Variants in SALL1 observed in about 807,000 individuals in gnomAD.
SALL1 encodes the protein sal-like protein 1.
A neutral mutation model predicts 73.1 loss-of-function variants in SALL1; 10 were observed. The observed-to-expected ratio is 0.14, with a 90% CI of 0.08 to 0.23. The LOEUF is 0.23. Among genes scored for constraint, SALL1 ranks in the 10% least tolerant of loss-of-function variants. SALL1 has a pLI of 1.00. For missense variants in SALL1, 1,520 were observed against 1,697.3 expected, an observed-to-expected ratio of 0.90 and a Z score of 1.84; for synonymous variants, 688 against 689.8, an observed-to-expected ratio of 1.00 and a Z score of 0.04.
At chr16:51,145,976 GGTCT>G (rs1962510532) in intron 1 of SALL1, among the ~76,000 whole-genome samples, 1 of 133,974 alleles carries the variant, frequency 7.5e-6, no homozygotes, top group Non-Finnish European at 1.5e-5. Flanking sequence ...TTGATTGATT[GGTCT>G]TTTTTTTTTT....
intron 1 of SALL1, among the ~76,000 whole-genome samples, chr16:51,145,142 A>G (rs912929899): frequency 6.6e-6 from 1 of 151,556 alleles, no homozygotes; most frequent in Non-Finnish European, 1.5e-5. Context: ...TGGACTCTTT[A>G]CCAAAGGGAA....
intron 1 of SALL1, among the ~76,000 whole-genome samples, chr16:51,146,679 TG>T (rs1962523285): frequency 6.6e-6 from 1 of 152,100 alleles, no homozygotes; most frequent in African/African-American, 2.4e-5. Context: ...GGATTCAATT[TG>T]GGGGTCACTG....
chr16:51,141,055 A>T lies in SALL1; in HGVS notation c.1167T>A (p.Asn389Lys). ...CGGAGGCTTGCTGAGGTAGAAGTGGATTAGACGCAGGACTTAATAAACTGC... is the reference window on the plus strand; with the variant it reads ...CGGAGGCTTGCTGAGGTAGAAGTGGTTTAGACGCAGGACTTAATAAACTGC... ...AISSLLSPAS[N>K]PLLPQQASAN... The change falls in exon 2 of 3, where the codon AAT (asparagine) becomes AAA (lysine). Residue 389 changes from asparagine (N) to lysine (K), a missense_variant. Asn to Lys is a moderately conservative substitution (Grantham distance 94). Coordinates refer to ENST00000251020, the MANE Select transcript of SALL1 (RefSeq NM_002968.3). This position sits in a 1 kb window ranked among gnomAD's most constrained non-coding sequence, Gnocchi z 5.4. The T allele has an allele frequency of 1.9e-6, 3 of 1,614,192 alleles. No homozygotes were observed. The highest frequency in any genetic ancestry group is 2.5e-6 in the Non-Finnish European group (3 of 1,180,040).
Position 51,141,173 on chromosome 16 carries a change from G to A in SALL1, c.1049C>T (p.Thr350Ile), listed in dbSNP as rs138755531. ...NMNILAAAVT[T>I]PSSEKVASSA... is the part of the protein sequence containing the mutation. ...TGAAGCCACTTTTTCAGAGGACGGG[G>A]TGGTAACTGCCGCTGCCAATATGTT... The change falls in exon 2 of 3, where the codon ACC becomes ATC. Residue 350 changes from threonine to isoleucine, a missense_variant. Coordinates refer to ENST00000251020, the MANE Select transcript of SALL1 (RefSeq NM_002968.3). This position sits in a 1 kb window ranked among gnomAD's most constrained non-coding sequence, Gnocchi z 5.4. 7 of 1,614,090 alleles carry A rather than the reference G, an allele frequency of 4.3e-6. No homozygotes were observed. The highest frequency in any genetic ancestry group is 5.9e-6 in the Non-Finnish European group (7 of 1,180,058).
rs1962445874 is a variant in SALL1, at chr16:51,141,901, T to C, written c.321A>G (p.Gln107=). The change falls in exon 2 of 3, where the codon CAA becomes CAG. Residue 107 remains glutamine, a synonymous_variant. Transcript: ENST00000251020. This position sits in a 1 kb window ranked among gnomAD's most constrained non-coding sequence, Gnocchi z 5.4. ...GTTCTGAAAGGTCGCTGCAGTCCAC[T>C]TGATCTGTTTTGTTAACTGTGTCAT... The part of the protein sequence containing the change: ...QMNDTVNKTD[Q]VDCSDLSEHN... 6.2e-7 allele frequency: 1 copy of C among 1,613,894 alleles called. No homozygotes were observed. The highest frequency in any genetic ancestry group is 2.2e-5 in the East Asian group (1 of 44,896).
chr16:51,137,492 C>A lies in SALL1; in HGVS notation c.3595G>T (p.Val1199Leu). 4 of 1,614,016 alleles carry A rather than the reference C, an allele frequency of 2.5e-6. No homozygotes were observed. The highest frequency in any genetic ancestry group is 3.4e-6 in the Non-Finnish European group (4 of 1,180,018). The part of the protein sequence containing the change: ...TPARRGRRLS[V>L]DGPMTFLGGN... ...CCTAGAAATGTCATGGGGCCATCCA[C>A]AGAGAGCCGCCGACCCCGTCGTGCA... Residue 1199 changes from valine (V) to leucine (L), a missense_variant, in exon 3 of 3, where the codon GTG (valine) becomes TTG (leucine). Physicochemically the swap from Val to Leu is conservative, Grantham distance 32. Around this residue, in one of 7 missense-constraint regions of SALL1, gnomAD observed 318 missense variants for 357.1 expected, o/e 0.89. Coordinates refer to ENST00000251020, the MANE Select transcript of SALL1 (RefSeq NM_002968.3).
In SALL1 at chr16:51,141,233, A is replaced by T; in HGVS notation, c.989T>A (p.Ile330Asn). ...QLPQSSSGNTIIPSNSGSSPN... is the reference protein window; with the variant it reads ...QLPQSSSGNTNIPSNSGSSPN... Reference sequence around the variant, plus strand: ...AGAAGAGCCGCTGTTGGATGGAATGATGGTGTTGCCAGAACTGCTCTGAGG... The same window carrying T: ...AGAAGAGCCGCTGTTGGATGGAATGTTGGTGTTGCCAGAACTGCTCTGAGG... The change falls in exon 2 of 3, where the codon ATC becomes AAC. Residue 330 changes from isoleucine to asparagine, a missense_variant. Transcript: ENST00000251020. The surrounding 1 kb of genome is among the most constrained non-coding windows in gnomAD (Gnocchi z 5.4). 1.2e-6 allele frequency: 2 copies of T among 1,614,124 alleles called. No homozygotes were observed. Among genetic ancestry groups the T allele is most frequent in the Non-Finnish European group, 1.7e-6 (2 of 1,180,026 alleles).
In SALL1 at chr16:51,140,137, T is replaced by C; in HGVS notation, c.2085A>G (p.Val695=). The change falls in exon 2 of 3, where the codon GTA becomes GTG. Residue 695 remains valine (V), a synonymous_variant. Transcript: ENST00000251020. The surrounding 1 kb of genome is among the most constrained non-coding windows in gnomAD (Gnocchi z 5.7). The stretch of plus-strand genomic sequence containing the variant: ...CAGTGGCCTTCTTGTCAATGTTTTC[T>C]ACCAGTTGCTGAAGCTTGGACGTCT... The part of the protein sequence containing the change: ...ASETSKLQQL[V]ENIDKKATDP... The C allele has an allele frequency of 4.3e-6, 7 of 1,614,194 alleles. No individual in the cohort carries two copies. Among genetic ancestry groups the C allele is most frequent in the Non-Finnish European group, 5.9e-6 (7 of 1,180,036 alleles).
rs943856669 is a variant in SALL1, at chr16:51,139,772, T to C, written c.2450A>G (p.Asn817Ser). ...ESDTGSFDEK[N>S]FDDLDNFSDE... ...AGAGAAGTTGTCTAGGTCATCAAAA[T>C]TTTTCTCATCAAAGGAACCTGTGTC... Residue 817 changes from asparagine to serine, a missense_variant, in exon 2 of 3, where the codon AAT (asparagine) becomes AGT (serine). Around this residue, in one of 7 missense-constraint regions of SALL1, gnomAD observed 266 missense variants for 275.1 expected, o/e 0.97. Coordinates refer to ENST00000251020, the MANE Select transcript of SALL1 (RefSeq NM_002968.3). 6.2e-6 allele frequency: 10 copies of C among 1,613,992 alleles called. No individual in the cohort carries two copies. The Admixed American group carries it at 1.5e-4, about 24-fold the overall frequency.
intron 1 of SALL1, among the ~76,000 whole-genome samples, chr16:51,145,379 G>A (rs543786806): frequency 6.6e-6 from 1 of 152,202 alleles, no homozygotes; most frequent in African/African-American, 2.4e-5. Flanking sequence ...GTACTATGGT[G>A]AAAATAACAT....
intron 1 of SALL1, among the ~76,000 whole-genome samples, chr16:51,147,235 C>T (rs1962531157): frequency 6.6e-6 from 1 of 152,252 alleles, no homozygotes; most frequent in Non-Finnish European, 1.5e-5. Flanking sequence ...TTCAGTATCA[C>T]ATATTCACTT....
chr16:51,151,349 G>GGCCC (rs915739793), upstream of SALL1: 3 of 577,730 alleles, frequency 5.2e-6, no homozygotes, highest in Non-Finnish European at 4.9e-6. Context: ...CCCGCCCGCC[G>GGCCC]GCCCGCCCGC....
rs750457909 is a variant in SALL1 at position 51,139,857 on chromosome 16, T to G, written c.2365A>C (p.Met789Leu). ...VVLQQHIRMH[M>L]GGQIPNTPVP... ...GGGGTGTTGGGGATCTGGCCTCCCA[T>G]ATGCATTCGGATGTGCTGCTGCAGG... Residue 789 changes from methionine to leucine, a missense_variant, in exon 2 of 3, where the codon ATG becomes CTG. Physicochemically the swap from Met to Leu is conservative, Grantham distance 15. Around this residue, in one of 7 missense-constraint regions of SALL1, gnomAD observed 266 missense variants for 275.1 expected, o/e 0.97. Transcript: ENST00000251020. 1.2e-6 allele frequency: 2 copies of G among 1,614,196 alleles called. No individual in the cohort carries two copies. Among genetic ancestry groups the G allele is most frequent in the Non-Finnish European group, 8.5e-7 (1 of 1,180,032 alleles).
chr16:51,140,254 G>A lies in SALL1; in HGVS notation c.1968C>T (p.Thr656=), dbSNP rs566829973. The change falls in exon 2 of 3, where the codon ACC becomes ACT. Residue 656 remains threonine (T), a synonymous_variant. Transcript: ENST00000251020. This position sits in a 1 kb window ranked among gnomAD's most constrained non-coding sequence, Gnocchi z 5.7. The part of the protein sequence containing the change: ...AADCGPAGSA[T]TFTNPLLPLM... ...GCGGCAACAAAGGGTTGGTGAAGGT[G>A]GTGGCACTGCCCGCGGGGCCGCAGT... 2.5e-6 allele frequency: 4 copies of A among 1,614,172 alleles called. No homozygotes were observed. The African/African-American group carries it at 4.0e-5, about 16-fold the overall frequency.
Position 51,140,622 on chromosome 16 carries a change from G to A in SALL1, c.1600C>T (p.Pro534Ser). The A allele has an allele frequency of 6.2e-7, 1 of 1,614,170 alleles. No homozygotes were observed. The highest frequency in any genetic ancestry group is 8.5e-7 in the Non-Finnish European group (1 of 1,180,026). ...AGCCAGCTGGTGACTGGCTTCTCTG[G>A]AGGGATGGACATGCCATATGGGATG... The part of the protein sequence containing the change: ...TGIPYGMSIP[P>S]EKPVTSWLDT... Residue 534 changes from proline (P) to serine (S), a missense_variant, in exon 2 of 3, where the codon CCA becomes TCA. Transcript: ENST00000251020. The surrounding 1 kb of genome is among the most constrained non-coding windows in gnomAD (Gnocchi z 5.7).
intron 2 of SALL1, 91 bp from the exon 3 acceptor site, chr16:51,137,643 A>G: frequency 1.0e-6 from 1 of 979,048 alleles, no homozygotes; most frequent in Non-Finnish European, 1.5e-6. Context: ...AATCTGTCTC[A>G]ACTCATATCC....
chr16:51,151,658 G>C (rs972606361), upstream of SALL1, among the ~76,000 whole-genome samples: 1 of 151,026 alleles, frequency 6.6e-6, no homozygotes, highest in Non-Finnish European at 1.5e-5. Flanking sequence ...GCCGCCGGGG[G>C]CCGGCCTCCT....
intron 1 of SALL1, chr16:51,150,546 G>A: frequency 5.1e-6 from 5 of 986,042 alleles, no homozygotes; most frequent in South Asian, 9.4e-5. Flanking sequence ...CGGGTCAGGC[G>A]CTGGCGCCCC....
At chr16:51,144,727 G>GC (rs1430398262) in intron 1 of SALL1, among the ~76,000 whole-genome samples, 2 of 152,138 alleles carry the variant, frequency 1.3e-5, no homozygotes, top group Non-Finnish European at 1.5e-5. Flanking sequence ...CATTTGTGCT[G>GC]CCTCGAGACT....
Sources: gnomAD v4.1 joint callset for allele counts (sites outside exome capture counted in the v4.1 genomes callset) on GRCh38, gnomAD v4.1.1 for gene constraint, gnomAD v4.1.1 regional missense constraint, Gnocchi (gnomAD v3.1) non-coding constraint, MANE v1.5 for transcripts, NCBI Gene and HGNC (gene_info 2026-07-23, HGNC 2026-07-21) for gene names.